Variants in SOX4 observed in about 807,000 individuals in gnomAD.
SOX4 encodes transcription factor SOX-4.
For missense variants in SOX4, 662 were observed against 694.9 expected (o/e 0.95, Z 0.53); for synonymous variants, 465 against 348.4 (o/e 1.33, Z -3.73).
chr6:21,595,581 C>G lies in SOX4; in HGVS notation c.1047C>G (p.Pro349=). The G allele has an allele frequency of 8.3e-7, 1 of 1,198,300 alleles. No homozygotes were observed. Among genetic ancestry groups the G allele is most frequent in the Non-Finnish European group, 1.0e-6 (1 of 969,060 alleles). 74.2% of individuals were successfully genotyped at this position (1,198,300 alleles called of 1,614,324 possible). A position where few individuals can be genotyped will look rare whatever the true frequency, so the allele number is the denominator to read the frequency against. The change falls in exon 1 of 1, where the codon CCC becomes CCG. Residue 349 remains proline, a synonymous_variant. Transcript: ENST00000244745. ...LSGRSSAASS[P]AAGRSPADHR... ...GCCGCAGCAGCGCCGCCTCGTCCCC[C>G]GCCGCCGGCCGCTCGCCCGCCGACC... is the stretch of plus-strand genomic sequence containing the variant.
Position 21,594,428 on chromosome 6 carries a change from C to T in SOX4, c.-107C>T, listed in dbSNP as rs887770608. On this transcript the variant is annotated 5_prime_UTR_variant, in exon 1 of 1. Coordinates refer to ENST00000244745, the MANE Select transcript of SOX4 (RefSeq NM_003107.3). ...GGGCCAGTTCGGCCGCCGCGCGCGT[C>T]TTCCCGTTCGGCGTGTGCTTGGCCC... 5 of 1,306,118 alleles carry T rather than the reference C, an allele frequency of 3.8e-6. No individual in the cohort carries two copies. In the Admixed American group the frequency reaches 1.7e-4, roughly 44 times the overall value. The allele number at this position is 1,306,118 out of a possible 1,614,324, so 80.9% of individuals were successfully genotyped here.
Position 21,595,366 on chromosome 6 carries a change from T to C in SOX4, c.832T>C (p.Ser278Pro). ...SASASSAASA[S>P]AALAAPGKHL... The stretch of plus-strand genomic sequence containing the variant: ...CTCCGCCTCCTCGGCAGCCTCGGCC[T>C]CCGCAGCGCTCGCGGCCCCGGGCAA... The change falls in exon 1 of 1, where the codon TCC becomes CCC. Residue 278 changes from serine (S) to proline (P), a missense_variant. Transcript: ENST00000244745. 6.5e-6 allele frequency: 10 copies of C among 1,532,590 alleles called. No individual in the cohort carries two copies. The highest frequency in any genetic ancestry group is 1.4e-5 in the African/African-American group (1 of 70,062). 94.9% of individuals were successfully genotyped at this position (1,532,590 alleles called of 1,614,324 possible). A position where few individuals can be genotyped will look rare whatever the true frequency, so the allele number is the denominator to read the frequency against.
rs143810140 is a variant in SOX4 at position 21,595,902 on chromosome 6, G to A, written c.1368G>A (p.Glu456=). The A allele has an allele frequency of 1.2e-5, 19 of 1,596,486 alleles. No homozygotes were observed. The highest frequency in any genetic ancestry group is 9.1e-5 in the East Asian group (4 of 43,808). ...FPDYCTPEVS[E]MISGDWLESS... is the part of the protein sequence containing the mutation. ...ACTACTGCACGCCCGAGGTGAGCGA[G>A]ATGATCTCGGGAGACTGGCTCGAGT... is the stretch of plus-strand genomic sequence containing the variant. Residue 456 remains glutamate, a synonymous_variant, in exon 1 of 1, where the codon GAG becomes GAA. Transcript: ENST00000244745.
rs1204892838 is a variant in SOX4 at position 21,595,334 on chromosome 6, C to A, written c.800C>A (p.Ala267Asp). 1.3e-6 allele frequency: 2 copies of A among 1,498,756 alleles called. No homozygotes were observed. Among genetic ancestry groups the A allele is most frequent in the Non-Finnish European group, 1.8e-6 (2 of 1,131,562 alleles). 92.8% of individuals were successfully genotyped at this position (1,498,756 alleles called of 1,614,324 possible). A position where few individuals can be genotyped will look rare whatever the true frequency, so the allele number is the denominator to read the frequency against. The change falls in exon 1 of 1, where the codon GCC (alanine) becomes GAC (aspartate). Residue 267 changes from alanine (A) to aspartate (D), a missense_variant. Coordinates refer to ENST00000244745, the MANE Select transcript of SOX4 (RefSeq NM_003107.3). ...HSLYKARTPS[A>D]SASASSAASA... Reference sequence around the variant, plus strand: ...CTGTACAAGGCGCGGACTCCCAGCGCCTCGGCCTCCGCCTCCTCGGCAGCC... The same window carrying A: ...CTGTACAAGGCGCGGACTCCCAGCGACTCGGCCTCCGCCTCCTCGGCAGCC...
In SOX4 at chr6:21,595,874, C is replaced by T; in HGVS notation, c.1340C>T (p.Pro447Leu). The change falls in exon 1 of 1, where the codon CCG becomes CTG. Residue 447 changes from proline to leucine, a missense_variant. Pro to Leu is a moderately conservative substitution (Grantham distance 98, BLOSUM62 -3). Coordinates refer to ENST00000244745, the MANE Select transcript of SOX4 (RefSeq NM_003107.3). ...GGCTCCGGCTCGCACTTCGAGTTCC[C>T]GGACTACTGCACGCCCGAGGTGAGC... ...EPGSGSHFEF[P>L]DYCTPEVSEM... The T allele has an allele frequency of 1.2e-6, 2 of 1,609,052 alleles. No homozygotes were observed. The highest frequency in any genetic ancestry group is 1.1e-5 in the South Asian group (1 of 90,000).
In SOX4 at chr6:21,596,074, G is replaced by A. The variant is rs1763146753; in HGVS notation, c.*115G>A. 7.3e-7 allele frequency: 1 copy of A among 1,362,068 alleles called. No individual in the cohort carries two copies. Among genetic ancestry groups the A allele is most frequent in the South Asian group, 1.8e-5 (1 of 55,534 alleles). The allele number at this position is 1,362,068 out of a possible 1,614,324, so 84.4% of individuals were successfully genotyped here. ...TTAAAGAGAAAAGGGAAAAAAGAAA[G>A]AAAAAGTAAGCAGGGCTGGCTTCGC... On this transcript the variant is annotated 3_prime_UTR_variant, in exon 1 of 1. Transcript: ENST00000244745.
rs1291322802 is a variant in SOX4, at chr6:21,594,416, C to T, written c.-119C>T. The T allele has an allele frequency of 4.7e-6, 6 of 1,288,728 alleles. No homozygotes were observed. The highest frequency in any genetic ancestry group is 4.9e-6 in the Non-Finnish European group (5 of 1,019,432). 79.8% of individuals were successfully genotyped at this position (1,288,728 alleles called of 1,614,324 possible). A position where few individuals can be genotyped will look rare whatever the true frequency, so the allele number is the denominator to read the frequency against. ...CGAGGAGTTGAGGGGCCAGTTCGGC[C>T]GCCGCGCGCGTCTTCCCGTTCGGCG... is the stretch of plus-strand genomic sequence containing the variant. On this transcript the variant is annotated 5_prime_UTR_variant, in exon 1 of 1. Transcript: ENST00000244745.
Position 21,595,852 on chromosome 6 carries a change from T to G in SOX4, c.1318T>G (p.Ser440Ala). The G allele has an allele frequency of 6.2e-7, 1 of 1,611,966 alleles. No individual in the cohort carries two copies. The highest frequency in any genetic ancestry group is 8.5e-7 in the Non-Finnish European group (1 of 1,179,432). Reference sequence around the variant, plus strand: ...CCTGGATTTTAACTTCGAGCCCGGCTCCGGCTCGCACTTCGAGTTCCCGGA... The same window carrying G: ...CCTGGATTTTAACTTCGAGCCCGGCGCCGGCTCGCACTTCGAGTTCCCGGA... Reference protein sequence around the residue: ...RDLDFNFEPGSGSHFEFPDYC... With the variant: ...RDLDFNFEPGAGSHFEFPDYC... The change falls in exon 1 of 1, where the codon TCC becomes GCC. Residue 440 changes from serine to alanine, a missense_variant. Physicochemically the swap from Ser to Ala is moderately conservative, Grantham distance 99. Coordinates refer to ENST00000244745, the MANE Select transcript of SOX4 (RefSeq NM_003107.3).
At position 21,595,691 on chromosome 6, in the gene SOX4, C is replaced by G. The variant is rs576492044; in HGVS notation, c.1157C>G (p.Ser386Cys). ...GCGTCCTCCTCGGCCTCGTCCCACT[C>G]CTCCTCTTCCTCCTCCTCGGGCTCC... ...SHASSSASSH[S>C]SSSSSSGSSS... The change falls in exon 1 of 1, where the codon TCC (serine) becomes TGC (cysteine). Residue 386 changes from serine (S) to cysteine (C), a missense_variant. Transcript: ENST00000244745. 3.2e-6 allele frequency: 5 copies of G among 1,575,186 alleles called. No individual in the cohort carries two copies. The highest frequency in any genetic ancestry group is 4.3e-6 in the Non-Finnish European group (5 of 1,155,182).
rs1428758018 is a variant in SOX4, at chr6:21,594,708, C to T, written c.174C>T (p.His58=). The part of the protein sequence containing the change: ...DPSWCKTPSG[H]IKRPMNAFMV... ...GCTGGTGCAAGACCCCGAGTGGGCA[C>T]ATCAAGCGACCCATGAACGCCTTCA... Residue 58 remains histidine, a synonymous_variant, in exon 1 of 1, where the codon CAC becomes CAT. Transcript: ENST00000244745. 10 of 1,595,964 alleles carry T rather than the reference C, an allele frequency of 6.3e-6. No individual in the cohort carries two copies. Among genetic ancestry groups the T allele is most frequent in the South Asian group, 1.1e-5 (1 of 88,796 alleles).
In SOX4 at chr6:21,596,198, A is replaced by T; in HGVS notation, c.*239A>T. 2.7e-6 allele frequency: 1 copy of T among 367,332 alleles called. No homozygotes were observed. The highest frequency in any genetic ancestry group is 4.7e-6 in the Non-Finnish European group (1 of 210,768). The allele number at this position is 367,332 out of a possible 1,614,324, so 22.8% of individuals were successfully genotyped here. A position where few individuals can be genotyped will look rare whatever the true frequency, so the allele number is the denominator to read the frequency against. On this transcript the variant is annotated 3_prime_UTR_variant, in exon 1 of 1. Transcript: ENST00000244745. ...CCGGGGACCCACTCTGCCCAGCCGGAGGGACGCGGAGGAGGAAGAGGGTAG... is the reference window on the plus strand; with the variant it reads ...CCGGGGACCCACTCTGCCCAGCCGGTGGGACGCGGAGGAGGAAGAGGGTAG...
Position 21,594,244 on chromosome 6 carries a change from G to C in SOX4, c.-291G>C. 3.0e-6 allele frequency: 1 copy of C among 332,006 alleles called. No homozygotes were observed. The highest frequency in any genetic ancestry group is 5.4e-6 in the Non-Finnish European group (1 of 185,554). 20.6% of individuals were successfully genotyped at this position (332,006 alleles called of 1,614,324 possible). A position where few individuals can be genotyped will look rare whatever the true frequency, so the allele number is the denominator to read the frequency against. ...GCACGGTCTCCAGACTCAGCCGAGAGACAGCAAACTGCAGCGCGGTGAGAG... is the reference window on the plus strand; with the variant it reads ...GCACGGTCTCCAGACTCAGCCGAGACACAGCAAACTGCAGCGCGGTGAGAG... On this transcript the variant is annotated 5_prime_UTR_variant, in exon 1 of 1. Transcript: ENST00000244745.
Position 21,595,209 on chromosome 6 carries a change from C to A in SOX4, c.675C>A (p.Gly225=). ...HAKLILAGGG[G]GGKAAAAAAA... is the part of the protein sequence containing the mutation. ...AGCTCATCCTGGCAGGCGGCGGCGG[C>A]GGCGGGAAAGCAGCGGCTGCCGCCG... The change falls in exon 1 of 1, where the codon GGC becomes GGA. Residue 225 remains glycine (G), a synonymous_variant. Coordinates refer to ENST00000244745, the MANE Select transcript of SOX4 (RefSeq NM_003107.3). 8.3e-7 allele frequency: 1 copy of A among 1,198,678 alleles called. No individual in the cohort carries two copies. The highest frequency in any genetic ancestry group is 1.0e-6 in the Non-Finnish European group (1 of 970,884). 74.3% of individuals were successfully genotyped at this position (1,198,678 alleles called of 1,614,324 possible).
Position 21,596,170 on chromosome 6 carries a change from G to A in SOX4, c.*211G>A. On this transcript the variant is annotated 3_prime_UTR_variant, in exon 1 of 1. Coordinates refer to ENST00000244745, the MANE Select transcript of SOX4 (RefSeq NM_003107.3). ...CCGCGCTCCCATCCCCCACCTTCCCGGGCCGGGGACCCACTCTGCCCAGCC... is the reference window on the plus strand; with the variant it reads ...CCGCGCTCCCATCCCCCACCTTCCCAGGCCGGGGACCCACTCTGCCCAGCC... The A allele has an allele frequency of 1.4e-6, 1 of 740,296 alleles. No individual in the cohort carries two copies. Among genetic ancestry groups the A allele is most frequent in the Admixed American group, 4.2e-5 (1 of 23,902 alleles). 45.9% of individuals were successfully genotyped at this position (740,296 alleles called of 1,614,324 possible). A position where few individuals can be genotyped will look rare whatever the true frequency, so the allele number is the denominator to read the frequency against.
At position 21,596,084 on chromosome 6, in the gene SOX4, G is replaced by A. The variant is rs79958549; in HGVS notation, c.*125G>A. 10,706 of 1,363,526 alleles carry A rather than the reference G, an allele frequency of 7.9e-3. 76 individuals are homozygous for A. The highest frequency in any genetic ancestry group is 0.022 in the South Asian group (1,268 of 56,744). 84.5% of individuals were successfully genotyped at this position (1,363,526 alleles called of 1,614,324 possible). A position where few individuals can be genotyped will look rare whatever the true frequency, so the allele number is the denominator to read the frequency against. On this transcript the variant is annotated 3_prime_UTR_variant, in exon 1 of 1. Coordinates refer to ENST00000244745, the MANE Select transcript of SOX4 (RefSeq NM_003107.3). ...AAGGGAAAAAAGAAAGAAAAAGTAA[G>A]CAGGGCTGGCTTCGCCCGCGTTCTC...
chr6:21,595,792 G>T lies in SOX4; in HGVS notation c.1258G>T (p.Gly420Cys). 6.2e-7 allele frequency: 1 copy of T among 1,613,576 alleles called. No individual in the cohort carries two copies. The highest frequency in any genetic ancestry group is 8.5e-7 in the Non-Finnish European group (1 of 1,179,988). Residue 420 changes from glycine to cysteine, a missense_variant, in exon 1 of 1, where the codon GGC (glycine) becomes TGC (cysteine). Transcript: ENST00000244745. ...PSSNFESMSL[G>C]SFSSSSALDR... Reference sequence around the variant, plus strand: ...CTCAAACTTTGAGAGCATGTCCCTGGGCAGCTTCAGTTCGTCGTCGGCGCT... The same window carrying T: ...CTCAAACTTTGAGAGCATGTCCCTGTGCAGCTTCAGTTCGTCGTCGGCGCT...
At position 21,596,235 on chromosome 6, in the gene SOX4, C is replaced by T. The variant is rs965303767; in HGVS notation, c.*276C>T. ...GAGGAAGAGGGTAGACAGGGGCGAC[C>T]TGTGATTGTTGTTATTGATGTTGTT... On this transcript the variant is annotated 3_prime_UTR_variant, in exon 1 of 1. Coordinates refer to ENST00000244745, the MANE Select transcript of SOX4 (RefSeq NM_003107.3). 6 of 282,630 alleles carry T rather than the reference C, an allele frequency of 2.1e-5. No homozygotes were observed. The Admixed American group carries it at 2.7e-4, about 13-fold the overall frequency. The allele number at this position is 282,630 out of a possible 1,614,324, so 17.5% of individuals were successfully genotyped here.
Position 21,595,457 on chromosome 6 carries a change from CCGTGGGCGG to C in SOX4, c.932_940del (p.Gly311_Gly313del), listed in dbSNP as rs1439540097. 4.1e-6 allele frequency: 6 copies of C among 1,478,316 alleles called. No homozygotes were observed. The highest frequency in any genetic ancestry group is 5.6e-5 in the East Asian group (2 of 35,972). The allele number at this position is 1,478,316 out of a possible 1,614,324, so 91.6% of individuals were successfully genotyped here. A position where few individuals can be genotyped will look rare whatever the true frequency, so the allele number is the denominator to read the frequency against. On this transcript the variant is annotated inframe_deletion, in exon 1 of 1. Transcript: ENST00000244745. ...GGCGGCCTGGGCACGTCGTCGTCGC[CCGTGGGCGG>C]CGTGGGCGCGGGAGCCGACCCCAGC... is the stretch of plus-strand genomic sequence containing the variant.
Position 21,594,750 on chromosome 6 carries a change from C to G in SOX4, c.216C>G (p.Ile72Met). Reference protein sequence around the residue: ...PMNAFMVWSQIERRKIMEQSP... With the variant: ...PMNAFMVWSQMERRKIMEQSP... ...ACGCCTTCATGGTGTGGTCGCAGATCGAGCGGCGCAAGATCATGGAGCAGT... is the reference window on the plus strand; with the variant it reads ...ACGCCTTCATGGTGTGGTCGCAGATGGAGCGGCGCAAGATCATGGAGCAGT... Residue 72 changes from isoleucine to methionine, a missense_variant, in exon 1 of 1, where the codon ATC becomes ATG. Physicochemically the swap from Ile to Met is conservative, Grantham distance 10. Coordinates refer to ENST00000244745, the MANE Select transcript of SOX4 (RefSeq NM_003107.3). The G allele has an allele frequency of 1.3e-6, 2 of 1,597,288 alleles. No individual in the cohort carries two copies. The highest frequency in any genetic ancestry group is 1.7e-6 in the Non-Finnish European group (2 of 1,172,138).
Sources: allele counts gnomAD v4.1 joint callset, GRCh38; gene constraint gnomAD v4.1.1; transcripts MANE v1.5; gene names NCBI Gene and HGNC (gene_info 2026-07-23, HGNC 2026-07-21).